TAS2R1: variants seen among roughly 807,000 people sequenced by gnomAD.
TAS2R1 encodes the protein taste 2 receptor member 1.
For synonymous variants in TAS2R1, 141 were observed against 134.2 expected, an observed-to-expected ratio of 1.05 and a Z score of -0.35; for missense variants, 370 against 353.4, an observed-to-expected ratio of 1.05 and a Z score of -0.38.
chr5:9,903,132 G>C, the TAS2R1 span, among the ~76,000 whole-genome samples: 2 of 151,910 alleles, frequency 1.3e-5, no homozygotes, highest in African/African-American at 4.8e-5. Flanking sequence ...GTACAGTTGA[G>C]TTACTATTGA....
chr5:9,747,383 CA>C, the TAS2R1 span, among the ~76,000 whole-genome samples: 1 of 152,022 alleles, frequency 6.6e-6, no homozygotes, highest in Non-Finnish European at 1.5e-5. Flanking sequence ...GTAGAACATT[CA>C]AAAAGCATGG....
rs947869412 is a variant in TAS2R1 at position 9,629,164 on chromosome 5, T to C, written c.869A>G (p.Lys290Arg). 6.3e-7 allele frequency: 1 copy of C among 1,581,474 alleles called. No homozygotes were observed. Among genetic ancestry groups the C allele is most frequent in the African/African-American group, 1.4e-5 (1 of 73,172 alleles). ...ACAGCACTTACTGTGGAGGAGGAAC[T>C]TTTTTGCATTTTGTTTCAATTTAGG... Reference protein sequence around the residue: ...GNPKLKQNAKKFLLHSKCCQ With the variant: ...GNPKLKQNAKRFLLHSKCCQ The change falls in exon 1 of 1, where the codon AAG becomes AGG. Residue 290 changes from lysine (K) to arginine (R), a missense_variant. Transcript: ENST00000382492.
intron 1 of TAS2R1, among the ~76,000 whole-genome samples, chr5:9,704,576 G>A (rs1402523131): frequency 6.6e-6 from 1 of 152,012 alleles, no homozygotes; most frequent in Admixed American, 6.6e-5. Context: ...GAAACATACA[G>A]ATTTCAAAAA....
chr5:9,884,037 A>G, the TAS2R1 span: 8 of 152,328 alleles, frequency 5.3e-5, no homozygotes, highest in African/African-American at 1.9e-4. Context: ...AAGGACAAGT[A>G]AACATGGGAG....
At chr5:9,822,601 G>A in the TAS2R1 span, among the ~76,000 whole-genome samples, 7 of 151,910 alleles carry the variant, frequency 4.6e-5, no homozygotes, top group Admixed American at 6.6e-5. Flanking sequence ...CGCCCGCCTC[G>A]GCCTCCCAAA....
the TAS2R1 span, among the ~76,000 whole-genome samples, chr5:9,737,549 G>A: frequency 1.3e-5 from 2 of 152,144 alleles, no homozygotes; most frequent in Non-Finnish European, 2.9e-5. Flanking sequence ...TGCAGGTCCA[G>A]CCTCCAGGGC....
chr5:9,667,001 A>T (rs1422945935), intron 1 of TAS2R1, among the ~76,000 whole-genome samples: 3 of 152,204 alleles, frequency 2.0e-5, no homozygotes, highest in Non-Finnish European at 1.5e-5. Flanking sequence ...AAGATAAAAA[A>T]GGTCCTTATA....
At chr5:9,648,577 A>T (rs1237576688) in intron 2 of TAS2R1, among the ~76,000 whole-genome samples, 2 of 152,048 alleles carry the variant, frequency 1.3e-5, no homozygotes, top group Non-Finnish European at 2.9e-5. Context: ...GTGGCCCCAC[A>T]TTCATTCATA....
chr5:9,837,381 C>T, the TAS2R1 span, among the ~76,000 whole-genome samples: 1 of 152,174 alleles, frequency 6.6e-6, no homozygotes, highest in African/African-American at 2.4e-5. Context: ...AGCATATTTA[C>T]CATGGGGACA....
At chr5:9,861,057 T>C in the TAS2R1 span, among the ~76,000 whole-genome samples, 1 of 151,052 alleles carries the variant, frequency 6.6e-6, no homozygotes, top group African/African-American at 2.4e-5. Context: ...TTTTTTGCTA[T>C]TGCATTTGGG....
chr5:9,676,466 T>C (rs1740877847), intron 1 of TAS2R1, among the ~76,000 whole-genome samples: 1 of 152,190 alleles, frequency 6.6e-6, no homozygotes, highest in South Asian at 2.1e-4. Flanking sequence ...AAATATTCAA[T>C]TGAGTTTAAC....
At chr5:9,739,619 C>G in the TAS2R1 span, among the ~76,000 whole-genome samples, 5 of 152,162 alleles carry the variant, frequency 3.3e-5, no homozygotes, top group East Asian at 9.6e-4. Context: ...GGTAAGATGC[C>G]AAGCAATTCC....
At chr5:9,745,599 T>C in the TAS2R1 span, among the ~76,000 whole-genome samples, 1 of 151,908 alleles carries the variant, frequency 6.6e-6, no homozygotes, top group Non-Finnish European at 1.5e-5. Flanking sequence ...AAGAGAGACC[T>C]CAGAAATAAC....
At chr5:9,758,894 TA>T in the TAS2R1 span, among the ~76,000 whole-genome samples, 1 of 152,146 alleles carries the variant, frequency 6.6e-6, no homozygotes, top group Non-Finnish European at 1.5e-5. Flanking sequence ...GTCATACAAA[TA>T]TAAAATAAAC....
chr5:9,874,281 G>C, the TAS2R1 span, among the ~76,000 whole-genome samples: 63 of 152,220 alleles, frequency 4.1e-4, 3 homozygotes, highest in South Asian at 0.013. Flanking sequence ...TGCTACTTTG[G>C]TTTTCAAAAC....
At chr5:9,696,763 C>T (rs1741364915) in intron 1 of TAS2R1, among the ~76,000 whole-genome samples, 1 of 152,076 alleles carries the variant, frequency 6.6e-6, no homozygotes, top group African/African-American at 2.4e-5. Flanking sequence ...ACTGTAATCC[C>T]AGCACTCTGG....
the TAS2R1 span, among the ~76,000 whole-genome samples, chr5:9,782,452 T>C: frequency 1.1e-4 from 1 of 9,478 alleles, no homozygotes; most frequent in Non-Finnish European, 2.1e-4. Context: ...GGCATCCTGA[T>C]GGGTGGGGCG....
At chr5:9,761,896 A>G in the TAS2R1 span, among the ~76,000 whole-genome samples, 9 of 152,174 alleles carry the variant, frequency 5.9e-5, no homozygotes, top group Non-Finnish European at 1.2e-4. Context: ...AAGTTTTCCA[A>G]ACCTTTGAAG....
At chr5:9,681,530 G>GGAAAAAAAAAAAAAAAAAAAAAAA (rs79288629) in intron 1 of TAS2R1, among the ~76,000 whole-genome samples, 1 of 23,566 alleles carries the variant, frequency 4.2e-5, no homozygotes, top group African/African-American at 1.4e-4. Flanking sequence ...TCATGTTTCT[G>GGAAAAAAAAAAAAAAAAAAAAAAA]CAAAAAAAAA....
Sources: allele counts gnomAD v4.1 joint callset (sites outside exome capture counted in the v4.1 genomes callset), GRCh38; gene constraint gnomAD v4.1.1; transcripts MANE v1.5; gene names NCBI Gene and HGNC (gene_info 2026-07-23, HGNC 2026-07-21).